The following PPM1F variants were observed in gnomAD, a reference collection of about 807,000 sequenced individuals.
PPM1F encodes the protein protein phosphatase, Mg2+/Mn2+ dependent 1F.
In PPM1F, 17 loss-of-function variants were observed where a neutral mutation model predicts 35.5. The observed-to-expected ratio is 0.48, with a 90% CI of 0.33 to 0.72. PPM1F has a LOEUF of 0.72. Among genes scored for constraint, PPM1F ranks in the 30% least tolerant of loss-of-function variants. PPM1F has a pLI of 0.02. For missense variants in PPM1F, 521 were observed against 613.0 expected (o/e 0.85, Z 1.59); for synonymous variants, 241 against 255.5 (o/e 0.94, Z 0.54).
intron 2 of PPM1F, chr22:21,941,140 C>T (rs554935643): frequency 1.2e-4 from 19 of 152,560 alleles, no homozygotes; most frequent in African/African-American, 4.1e-4. Flanking sequence ...GTCTTGAACT[C>T]CTGCCCTCAA....
chr22:21,939,644 G>T lies in PPM1F; in HGVS notation c.243C>A (p.His81Gln). ...TCTGTAGCAGCTGTGAAACTGCTTC[G>T]TGGGCCAGAGCAGCAGCAAGTGGTG... ...APPPLAAALA[H>Q]EAVSQLLQTD... Residue 81 changes from histidine to glutamine, a missense_variant, in exon 3 of 8, where the codon CAC becomes CAA. Physicochemically the swap from His to Gln is conservative, Grantham distance 24. Around this residue, in one of 3 missense-constraint regions of PPM1F, gnomAD observed 311 missense variants for 351.5 expected, o/e 0.88. Coordinates refer to ENST00000263212, the MANE Select transcript of PPM1F (RefSeq NM_014634.4). This position sits in a 1 kb window ranked among gnomAD's most constrained non-coding sequence, Gnocchi z 5.1. 1 of 1,555,590 alleles carries T rather than the reference G, an allele frequency of 6.4e-7. No individual in the cohort carries two copies. The highest frequency in any genetic ancestry group is 8.7e-7 in the Non-Finnish European group (1 of 1,148,726).
At position 21,922,233 on chromosome 22, in the gene PPM1F, A is replaced by G. The variant is rs2145788325; in HGVS notation, c.*859T>C. 1 of 152,740 alleles carries G rather than the reference A, an allele frequency of 6.5e-6. No individual in the cohort carries two copies. The highest frequency in any genetic ancestry group is 2.1e-4 in the South Asian group (1 of 4,830). 9.5% of individuals were successfully genotyped at this position (152,740 alleles called of 1,614,324 possible). A position where few individuals can be genotyped will look rare whatever the true frequency, so the allele number is the denominator to read the frequency against. ...AATAAATTCAATAATACTGCAAAAA[A>G]AGGTTCCTTGAAAAATAGCTTTAAA... is the stretch of plus-strand genomic sequence containing the variant. On this transcript the variant is annotated 3_prime_UTR_variant, in exon 8 of 8. Coordinates refer to ENST00000263212, the MANE Select transcript of PPM1F (RefSeq NM_014634.4).
Position 21,923,432 on chromosome 22 carries a change from TC to T in PPM1F, c.1024del (p.Asp342MetfsTer7). 1 of 1,612,818 alleles carries T rather than the reference TC, an allele frequency of 6.2e-7. No homozygotes were observed. Among genetic ancestry groups the T allele is most frequent in the Non-Finnish European group, 8.5e-7 (1 of 1,179,334 alleles). Reference sequence around the variant, plus strand: ...GCCCGTCAGCGCCCGGGAAGCTGCATCGGCCTCCCCAGACACGTAGGGCTTC... The same window carrying T: ...GCCCGTCAGCGCCCGGGAAGCTGCATGGCCTCCCCAGACACGTAGGGCTTC... ...FQKPYVSGEADAASRALTGSE... is the reference protein window; with the variant it reads ...FQKPYVSGEAXAASRALTGSE... On this transcript the variant is annotated frameshift_variant, in exon 8 of 8. Transcript: ENST00000263212. LOFTEE classifies it low-confidence loss of function (END_TRUNC).
intron 3 of PPM1F, chr22:21,935,095 C>G (rs541714277): frequency 6.6e-6 from 1 of 152,296 alleles, no homozygotes; most frequent in African/African-American, 2.4e-5. Context: ...CAGCCAAAAT[C>G]TGGAGTCAGC....
At chr22:21,935,418 AT>A (rs758377137) in intron 3 of PPM1F, 1 of 152,208 alleles carries the variant, frequency 6.6e-6, no homozygotes, top group Non-Finnish European at 1.5e-5. Context: ...ACTGCTCTGT[AT>A]TTTGACCATG....
chr22:21,930,856 A>C (rs1328752202), intron 6 of PPM1F, among the ~76,000 whole-genome samples: 1 of 152,146 alleles, frequency 6.6e-6, no homozygotes, highest in African/African-American at 2.4e-5. Context: ...GTCCGTGTGT[A>C]TGATGGGCTC....
intron 2 of PPM1F, among the ~76,000 whole-genome samples, chr22:21,940,161 A>G (rs1333211513): frequency 2.0e-5 from 3 of 152,172 alleles, no homozygotes; most frequent in Non-Finnish European, 2.9e-5. Context: ...CCCTACTCCA[A>G]TGACTGATGT....
chr22:21,938,702 G>A (rs1390172086), intron 3 of PPM1F: 1 of 710,480 alleles, frequency 1.4e-6, no homozygotes, highest in Non-Finnish European at 1.7e-6. Flanking sequence ...TATTCAGCTG[G>A]GTGGGACGTT....
At position 21,923,071 on chromosome 22, in the gene PPM1F, G is replaced by C. The variant is rs777255123; in HGVS notation, c.*21C>G. On this transcript the variant is annotated 3_prime_UTR_variant, in exon 8 of 8. Transcript: ENST00000263212. ...AAGGACAAGGATGGGAGGAAGGGGA[G>C]GGCAGGGGCCTGGAAACCACCTAGC... The C allele has an allele frequency of 1.3e-6, 2 of 1,575,060 alleles. No homozygotes were observed. The highest frequency in any genetic ancestry group is 2.3e-5 in the South Asian group (2 of 85,454).
intron 7 of PPM1F, among the ~76,000 whole-genome samples, chr22:21,924,134 G>A (rs975974361): frequency 6.6e-6 from 1 of 152,156 alleles, no homozygotes; most frequent in East Asian, 1.9e-4. Flanking sequence ...AGAGGGGTAG[G>A]TGCCAAATCC....
At position 21,932,232 on chromosome 22, in the gene PPM1F, C is replaced by A. The variant is rs180971299; in HGVS notation, c.748-941G>T. ...CCTCCCAAAGTGCCGGGATTACAGG[C>A]GTGAGCCACTGTGCCCAGCCTCAAT... On this transcript the variant is annotated intron_variant, in intron 5 of 7. Transcript: ENST00000263212. Among the ~76,000 whole-genome samples the A allele has an allele frequency of 9.2e-5, 14 of 152,342 alleles. No individual in the cohort carries two copies. The South Asian group carries it at 2.7e-3, about 29-fold the overall frequency.
At chr22:21,947,015 G>A (rs532826648) in intron 1 of PPM1F, 3 of 152,258 alleles carry the variant, frequency 2.0e-5, no homozygotes, top group Admixed American at 1.3e-4. Context: ...TTAGTCCCTC[G>A]CCTGAGGTGT....
At position 21,932,453 on chromosome 22, in the gene PPM1F, T is replaced by C. The variant is rs186010304; in HGVS notation, c.747+938A>G. On this transcript the variant is annotated intron_variant, in intron 5 of 7. Transcript: ENST00000263212. ...CAAAGCCTGGCTCTGCTAATTTCCA[T>C]GAAGGTCTGTGCTCAGAGCGTGTGA... Among the ~76,000 whole-genome samples the C allele has an allele frequency of 2.6e-5, 4 of 152,314 alleles. No homozygotes were observed. The East Asian group carries it at 5.8e-4, about 22-fold the overall frequency.
intron 6 of PPM1F, among the ~76,000 whole-genome samples, chr22:21,928,095 C>T (rs1174914468): frequency 6.6e-6 from 1 of 151,748 alleles, no homozygotes; most frequent in Admixed American, 6.6e-5. Context: ...CAGCGCCCAC[C>T]CCCTCAGCAG....
At chr22:21,942,709 G>A (rs2070738325) in intron 2 of PPM1F, 1 of 152,346 alleles carries the variant, frequency 6.6e-6, no homozygotes, top group Admixed American at 6.5e-5. Flanking sequence ...GCCTGGCCAA[G>A]GGCCACCATC....
chr22:21,936,782 TCAC>T (rs1333314588), intron 3 of PPM1F: 2 of 152,198 alleles, frequency 1.3e-5, no homozygotes, highest in Non-Finnish European at 1.5e-5. Flanking sequence ...AGCAACCATG[TCAC>T]CACAACCCAG....
chr22:21,946,215 G>T, intron 1 of PPM1F, 107 bp from the exon 2 acceptor site: 1 of 526,946 alleles, frequency 1.9e-6, no homozygotes, highest in South Asian at 3.2e-5. Flanking sequence ...ATGGTTCAGG[G>T]CCACTAGAGG....
chr22:21,938,539 C>A (rs1190766683), intron 3 of PPM1F: 1 of 1,071,298 alleles, frequency 9.3e-7, no homozygotes, highest in Non-Finnish European at 1.1e-6. Context: ...TCCTTTTCCC[C>A]GGATGCACGC....
intron 2 of PPM1F, among the ~76,000 whole-genome samples, chr22:21,940,949 A>G (rs939351598): frequency 1.3e-5 from 2 of 152,132 alleles, no homozygotes. Flanking sequence ...CCCAGGCTGG[A>G]GCACAGCTGT....
Sources: allele counts gnomAD v4.1 joint callset (sites outside exome capture counted in the v4.1 genomes callset), GRCh38; gene constraint gnomAD v4.1.1; regional missense constraint gnomAD v4.1.1; non-coding constraint Gnocchi (gnomAD v3.1); transcripts MANE v1.5; gene names NCBI Gene and HGNC (gene_info 2026-07-23, HGNC 2026-07-21).